LIN7A: variants seen among roughly 807,000 people sequenced by gnomAD.
LIN7A encodes the protein lin-7 cell polarity scaffold A.
Under a neutral mutation model 29.8 loss-of-function variants are expected in LIN7A, and 25 were observed. The observed-to-expected ratio is 0.84, with a 90% CI of 0.61 to 1.17. The LOEUF (loss-of-function observed/expected upper bound fraction) is 1.17, where lower values mean the gene tolerates loss of function less well. Among genes scored for constraint, LIN7A ranks in the 50% most tolerant of loss-of-function variants. The pLI, the probability that LIN7A is intolerant of heterozygous loss-of-function variation, is 0.00. For missense variants in LIN7A, 239 were observed against 287.0 expected, an observed-to-expected ratio of 0.83 and a Z score of 1.21; for synonymous variants, 118 against 107.5, an observed-to-expected ratio of 1.10 and a Z score of -0.60.
At chr12:80,878,976 C>A (rs1279661309) in intron 2 of LIN7A, among the ~76,000 whole-genome samples, 1 of 152,178 alleles carries the variant, frequency 6.6e-6, no homozygotes, top group Non-Finnish European at 1.5e-5. Context: ...GCTGGCTTCA[C>A]CTCTCACAAG....
intron 2 of LIN7A, among the ~76,000 whole-genome samples, chr12:80,883,473 A>G (rs1379477444): frequency 6.6e-6 from 1 of 152,226 alleles, no homozygotes; most frequent in East Asian, 1.9e-4. Context: ...ATGGTGGGAT[A>G]ATGAATATAA....
chr12:80,832,211 T>C (rs996590166), intron 4 of LIN7A, among the ~76,000 whole-genome samples: 2 of 152,202 alleles, frequency 1.3e-5, no homozygotes, highest in African/African-American at 4.8e-5. Context: ...TATGAAAAAC[T>C]TAACTTGGTG....
intron 4 of LIN7A, among the ~76,000 whole-genome samples, chr12:80,839,792 T>C (rs983825538): frequency 2.8e-4 from 42 of 152,204 alleles, no homozygotes; most frequent in African/African-American, 9.9e-4. Context: ...TAGGTATTTA[T>C]AAAATGTAAA....
intron 1 of LIN7A, among the ~76,000 whole-genome samples, chr12:80,894,120 C>A (rs144656955): frequency 7.0e-4 from 107 of 152,296 alleles, no homozygotes; most frequent in African/African-American, 2.5e-3. Flanking sequence ...CAGCAACATA[C>A]TTTTATTCTT....
intron 2 of LIN7A, among the ~76,000 whole-genome samples, chr12:80,855,383 C>T (rs1380041036): frequency 6.6e-6 from 1 of 152,020 alleles, no homozygotes; most frequent in African/African-American, 2.4e-5. Flanking sequence ...TACCTATCTA[C>T]ACTTTTTAAA....
intron 1 of LIN7A, 126 bp downstream of exon 1, chr12:80,937,515 T>C: frequency 1.7e-6 from 1 of 580,682 alleles, no homozygotes; most frequent in Non-Finnish European, 2.8e-6. Context: ...AACGCCTTCC[T>C]GGCTCGTCCT....
chr12:80,915,206 A>G (rs894977014), intron 1 of LIN7A, among the ~76,000 whole-genome samples: 3 of 152,044 alleles, frequency 2.0e-5, no homozygotes, highest in African/African-American at 2.4e-5. Context: ...AAAACTGGGT[A>G]AAGGACATGA....
chr12:80,881,335 T>C (rs1300870802), intron 2 of LIN7A, among the ~76,000 whole-genome samples: 1 of 152,184 alleles, frequency 6.6e-6, no homozygotes, highest in Non-Finnish European at 1.5e-5. Context: ...CAGCTTTCTT[T>C]TCTCTGACAT....
intron 2 of LIN7A, among the ~76,000 whole-genome samples, chr12:80,882,094 A>T (rs1028235456): frequency 3.9e-5 from 6 of 152,090 alleles, no homozygotes; most frequent in South Asian, 4.1e-4. Flanking sequence ...ATTTGGAGCC[A>T]TCCATTTAAA....
intron 4 of LIN7A, chr12:80,832,745 T>C: frequency 2.4e-6 from 1 of 422,038 alleles, no homozygotes; most frequent in Non-Finnish European, 4.7e-6. Flanking sequence ...ATTTATGGCA[T>C]AGTGTACAAT....
chr12:80,878,092 G>A (rs1874810062), intron 2 of LIN7A, among the ~76,000 whole-genome samples: 1 of 152,096 alleles, frequency 6.6e-6, no homozygotes, highest in African/African-American at 2.4e-5. Context: ...AAATAGAAAG[G>A]CTTGGGCTGA....
At chr12:80,874,626 G>C (rs996591918) in intron 2 of LIN7A, among the ~76,000 whole-genome samples, 1 of 152,128 alleles carries the variant, frequency 6.6e-6, no homozygotes, top group Non-Finnish European at 1.5e-5. Context: ...TATATGAATA[G>C]GTATTGTGGA....
At chr12:80,933,897 T>C (rs1415128099) in intron 1 of LIN7A, among the ~76,000 whole-genome samples, 1 of 152,182 alleles carries the variant, frequency 6.6e-6, no homozygotes, top group Non-Finnish European at 1.5e-5. Flanking sequence ...TTTATGTGTG[T>C]GTTCATTGTG....
intron 2 of LIN7A, among the ~76,000 whole-genome samples, chr12:80,880,201 C>CA (rs997146025): frequency 3.3e-5 from 5 of 152,228 alleles, no homozygotes; most frequent in Admixed American, 2.6e-4. Flanking sequence ...TCCAAAATGA[C>CA]AGTTGTTTCC....
intron 5 of LIN7A, among the ~76,000 whole-genome samples, chr12:80,802,480 C>A (rs1479198752): frequency 6.6e-6 from 1 of 151,940 alleles, no homozygotes; most frequent in Non-Finnish European, 1.5e-5. Context: ...TGGATATATC[C>A]CCAGAAGTGA....
At chr12:80,909,678 A>G (rs1876656969) in intron 1 of LIN7A, among the ~76,000 whole-genome samples, 1 of 152,122 alleles carries the variant, frequency 6.6e-6, no homozygotes, top group Non-Finnish European at 1.5e-5. Flanking sequence ...ACTTAATCGC[A>G]TCCCCAAAGG....
At chr12:80,844,295 G>A (rs1370799636) in intron 4 of LIN7A, among the ~76,000 whole-genome samples, 2 of 152,186 alleles carry the variant, frequency 1.3e-5, no homozygotes, top group East Asian at 3.9e-4. Context: ...AGTAGTAATT[G>A]GAATGCTGAA....
At chr12:80,882,926 CA>C (rs1459642438) in intron 2 of LIN7A, among the ~76,000 whole-genome samples, 1 of 152,080 alleles carries the variant, frequency 6.6e-6, no homozygotes, top group East Asian at 1.9e-4. Context: ...CACTAGATTA[CA>C]AAATGATGTG....
At chr12:80,903,248 C>A (rs956839434) in intron 1 of LIN7A, among the ~76,000 whole-genome samples, 2 of 151,662 alleles carry the variant, frequency 1.3e-5, no homozygotes, top group African/African-American at 4.8e-5. Flanking sequence ...GGCACAAGTG[C>A]AATTTTATTA....
Sources: gnomAD v4.1 joint callset for allele counts (sites outside exome capture counted in the v4.1 genomes callset) on GRCh38, gnomAD v4.1.1 for gene constraint, MANE v1.5 for transcripts, NCBI Gene and HGNC (gene_info 2026-07-23, HGNC 2026-07-21) for gene names.